GSTO2: variants seen among roughly 807,000 people sequenced by gnomAD.
The protein encoded by GSTO2 is glutathione S-transferase omega-2.
GSTO2 carries 23 observed loss-of-function variants against 28.4 expected under a neutral mutation model. The observed-to-expected ratio is 0.81, with a 90% CI of 0.58 to 1.15. GSTO2 has a LOEUF of 1.15. Among genes scored for constraint, GSTO2 ranks in the 50% most tolerant of loss-of-function variants. The probability of loss-of-function intolerance (pLI) is 0.00; values close to 1 mark genes in which losing one functional copy is unlikely to be tolerated. For synonymous variants in GSTO2, 109 were observed against 111.0 expected, an observed-to-expected ratio of 0.98 and a Z score of 0.11; for missense variants, 298 against 297.8, an observed-to-expected ratio of 1.00 and a Z score of 0.00.
intron 1 of GSTO2, among the ~76,000 whole-genome samples, chr10:104,272,586 ACTTTTT>A (rs2011457918): frequency 1.8e-5 from 1 of 56,900 alleles, no homozygotes. Flanking sequence ...CAGTTATGGG[ACTTTTT>A]TTTTTTTTTT....
At chr10:104,286,929 T>C (rs2012467609) in intron 5 of GSTO2, among the ~76,000 whole-genome samples, 1 of 152,208 alleles carries the variant, frequency 6.6e-6, no homozygotes, top group Admixed American at 6.5e-5. Flanking sequence ...ATAATCCCAC[T>C]ACCCAGAAAC....
intron 5 of GSTO2, among the ~76,000 whole-genome samples, chr10:104,293,865 A>G (rs895482699): frequency 1.3e-5 from 2 of 149,782 alleles, no homozygotes; most frequent in African/African-American, 5.1e-5. Flanking sequence ...ATTGAATGAC[A>G]CAGGGTTGAC....
chr10:104,301,806 T>A lies in GSTO2; in HGVS notation c.*2522T>A, dbSNP rs2013264108. ...GTTGACCAGGCTGGTCTTGAACTCC[T>A]GGCTTCAAGTGATCCTCCCATCTCG... On this transcript the variant is annotated 3_prime_UTR_variant, in exon 7 of 7. Coordinates refer to ENST00000338595, the MANE Select transcript of GSTO2 (RefSeq NM_183239.2). 1 of 152,230 alleles carries A rather than the reference T, an allele frequency of 6.6e-6. No individual in the cohort carries two copies. Among genetic ancestry groups the A allele is most frequent in the Non-Finnish European group, 1.5e-5 (1 of 68,064 alleles). 9.4% of individuals were successfully genotyped at this position (152,230 alleles called of 1,614,324 possible).
chr10:104,292,797 C>T (rs996452786), intron 5 of GSTO2, among the ~76,000 whole-genome samples: 4 of 152,168 alleles, frequency 2.6e-5, no homozygotes, highest in Admixed American at 6.5e-5. Context: ...AAGAACTCAA[C>T]ATAGAATTCT....
At chr10:104,287,037 G>A (rs1223881114) in intron 5 of GSTO2, among the ~76,000 whole-genome samples, 1 of 152,136 alleles carries the variant, frequency 6.6e-6, no homozygotes. Flanking sequence ...CTATTATGAT[G>A]TAAATATTCC....
intron 5 of GSTO2, among the ~76,000 whole-genome samples, chr10:104,280,774 A>G (rs2011989946): frequency 1.3e-5 from 2 of 152,184 alleles, no homozygotes; most frequent in African/African-American, 4.8e-5. Context: ...AGAGAATACA[A>G]TTTTTTTCCC....
chr10:104,304,842 C>T lies in GSTO2; in HGVS notation c.*5558C>T, dbSNP rs928785403. The T allele has an allele frequency of 2.0e-5, 3 of 152,272 alleles. No individual in the cohort carries two copies. The highest frequency in any genetic ancestry group is 7.2e-5 in the African/African-American group (3 of 41,432). 9.4% of individuals were successfully genotyped at this position (152,272 alleles called of 1,614,324 possible). On this transcript the variant is annotated 3_prime_UTR_variant, in exon 7 of 7. Coordinates refer to ENST00000338595, the MANE Select transcript of GSTO2 (RefSeq NM_183239.2). ...CTTGAAAGCTGCAATTTTATCCCTC[C>T]CCGTCCTCCTCCCTCTCACCCCAAG...
intron 3 of GSTO2, among the ~76,000 whole-genome samples, chr10:104,277,294 C>CTT (rs552621333): frequency 1.4e-5 from 2 of 144,288 alleles, no homozygotes. Flanking sequence ...GGCTCTACTA[C>CTT]TTTTTTTTTT....
intron 5 of GSTO2, chr10:104,296,072 A>G (rs2013003277): frequency 6.6e-6 from 1 of 152,160 alleles, no homozygotes; most frequent in Non-Finnish European, 1.5e-5. Flanking sequence ...TCTCTTTGGG[A>G]AGACCTGTAC....
At chr10:104,276,806 G>A (rs2011657630) in intron 3 of GSTO2, among the ~76,000 whole-genome samples, 1 of 152,124 alleles carries the variant, frequency 6.6e-6, no homozygotes, top group African/African-American at 2.4e-5. Flanking sequence ...CCTAGACTAA[G>A]CAATGAACGT....
intron 1 of GSTO2, among the ~76,000 whole-genome samples, chr10:104,274,185 T>C (rs775721016): frequency 8.4e-4 from 128 of 152,256 alleles, no homozygotes; most frequent in Non-Finnish European, 1.4e-3. Context: ...AGCTCACAAA[T>C]TGTTCTTTGC....
rs1251355111 is a variant in GSTO2, at chr10:104,302,775, G to A, written c.*3491G>A. 2.0e-5 allele frequency: 3 copies of A among 152,090 alleles called. No homozygotes were observed. Among genetic ancestry groups the A allele is most frequent in the Admixed American group, 6.5e-5 (1 of 15,272 alleles). The allele number at this position is 152,090 out of a possible 1,614,324, so 9.4% of individuals were successfully genotyped here. The stretch of plus-strand genomic sequence containing the variant: ...TCTCATGAGTTCTGGTTGTTTAAAA[G>A]TGTGCAGCATCTCCCTGACCCCTCT... On this transcript the variant is annotated 3_prime_UTR_variant, in exon 7 of 7. Transcript: ENST00000338595.
chr10:104,279,525 G>A, intron 5 of GSTO2, 54 bp downstream of exon 5: 1 of 1,260,454 alleles, frequency 7.9e-7, no homozygotes. Context: ...GCTAGGCAGG[G>A]TCGCTAACCT....
chr10:104,287,303 G>A (rs1439013597), intron 5 of GSTO2, among the ~76,000 whole-genome samples: 1 of 152,220 alleles, frequency 6.6e-6, no homozygotes, highest in Non-Finnish European at 1.5e-5. Flanking sequence ...TGACCCACTT[G>A]TCTTTGCCTT....
Position 104,303,183 on chromosome 10 carries a change from CT to C in GSTO2, c.*3901del, listed in dbSNP as rs2013309884. On this transcript the variant is annotated 3_prime_UTR_variant, in exon 7 of 7. Coordinates refer to ENST00000338595, the MANE Select transcript of GSTO2 (RefSeq NM_183239.2). ...ATGTGTTCTCATGATTTAGCTCCCA[CT>C]TATAAGTGAGAACATGCAGTTTTTG... The C allele has an allele frequency of 7.9e-5, 12 of 152,314 alleles. No individual in the cohort carries two copies. In the South Asian group the frequency reaches 2.5e-3, roughly 32 times the overall value. 9.4% of individuals were successfully genotyped at this position (152,314 alleles called of 1,614,324 possible).
At chr10:104,278,740 C>G (rs1485118527) in intron 4 of GSTO2, among the ~76,000 whole-genome samples, 1 of 152,184 alleles carries the variant, frequency 6.6e-6, no homozygotes, top group Non-Finnish European at 1.5e-5. Flanking sequence ...CTCGGCCTCC[C>G]AAAGTGCTAG....
intron 5 of GSTO2, among the ~76,000 whole-genome samples, chr10:104,285,456 A>C (rs1046546312): frequency 6.6e-6 from 1 of 150,642 alleles, no homozygotes; most frequent in African/African-American, 2.4e-5. Context: ...TTATTATTAT[A>C]ATTATTTTTT....
rs537660286 is a variant in GSTO2 at position 104,303,537 on chromosome 10, A to G, written c.*4253A>G. Reference sequence around the variant, plus strand: ...CAACCTATGCTCATATTTGTGAGCAAAGAAATTATGTTAAGTTGGAACTTA... The same window carrying G: ...CAACCTATGCTCATATTTGTGAGCAGAGAAATTATGTTAAGTTGGAACTTA... On this transcript the variant is annotated 3_prime_UTR_variant, in exon 7 of 7. Coordinates refer to ENST00000338595, the MANE Select transcript of GSTO2 (RefSeq NM_183239.2). 2 of 152,364 alleles carry G rather than the reference A, an allele frequency of 1.3e-5. No individual in the cohort carries two copies. The highest frequency in any genetic ancestry group is 4.8e-5 in the African/African-American group (2 of 41,592). 9.4% of individuals were successfully genotyped at this position (152,364 alleles called of 1,614,324 possible).
chr10:104,299,095 G>A, intron 6 of GSTO2, 33 bp from the exon 7 acceptor site: 1 of 1,598,362 alleles, frequency 6.3e-7, no homozygotes, highest in Non-Finnish European at 8.5e-7. Context: ...GCCTACCCCT[G>A]CACTGTGCTG....
Sources: gnomAD v4.1 joint callset for allele counts (sites outside exome capture counted in the v4.1 genomes callset) on GRCh38, gnomAD v4.1.1 for gene constraint, MANE v1.5 for transcripts, NCBI Gene and HGNC (gene_info 2026-07-23, HGNC 2026-07-21) for gene names.